Variants in NBAS observed in about 807,000 individuals in gnomAD.
NBAS encodes NAG/BC035112 fusion.
Under a neutral mutation model 302.5 loss-of-function variants are expected in NBAS, and 219 were observed. The observed-to-expected ratio is 0.72, with a 90% CI of 0.65 to 0.81. The LOEUF (loss-of-function observed/expected upper bound fraction) is 0.81. Ranked by LOEUF, NBAS falls within the 30% of genes least tolerant of loss-of-function variation. NBAS has a pLI of 0.00. For missense variants in NBAS, 2,932 were observed against 2,841.6 expected (o/e 1.03, Z -0.72); for synonymous variants, 1,118 against 1,021.6 (o/e 1.09, Z -1.80).
intron 11 of NBAS, among the ~76,000 whole-genome samples, chr2:15,499,807 A>C (rs1661417329): frequency 6.6e-6 from 1 of 152,236 alleles, no homozygotes; most frequent in Admixed American, 6.5e-5. Context: ...AAAAAGTAAA[A>C]TGAGACTATT....
the NBAS span, among the ~76,000 whole-genome samples, chr2:14,922,968 C>T: frequency 1.3e-5 from 2 of 151,952 alleles, no homozygotes; most frequent in Admixed American, 6.5e-5. Flanking sequence ...CTGGCTAACA[C>T]GGTGAAACCC....
chr2:15,245,209 G>A (rs1384207295), intron 44 of NBAS, among the ~76,000 whole-genome samples: 2 of 151,952 alleles, frequency 1.3e-5, no homozygotes, highest in Non-Finnish European at 2.9e-5. Context: ...GCCCTATCAG[G>A]CCCCATGCGA....
the NBAS span, among the ~76,000 whole-genome samples, chr2:14,816,243 T>G: frequency 6.6e-6 from 1 of 152,190 alleles, no homozygotes; most frequent in Non-Finnish European, 1.5e-5. Context: ...AGGTGAGCAG[T>G]GTGAGTGAGC....
At chr2:15,033,662 C>A in the NBAS span, among the ~76,000 whole-genome samples, 2 of 152,070 alleles carry the variant, frequency 1.3e-5, no homozygotes, top group Non-Finnish European at 2.9e-5. Context: ...GAGATGAACT[C>A]TCTTATAAGA....
chr2:15,220,202 G>A (rs1666887871), intron 47 of NBAS, among the ~76,000 whole-genome samples: 1 of 144,166 alleles, frequency 6.9e-6, no homozygotes, highest in Non-Finnish European at 1.5e-5. Flanking sequence ...CTCCCTCCCG[G>A]ACGGGGCGGC....
the NBAS span, among the ~76,000 whole-genome samples, chr2:15,119,760 C>A: frequency 1.3e-5 from 2 of 152,158 alleles, no homozygotes; most frequent in African/African-American, 4.8e-5. Flanking sequence ...CCTACAGAGG[C>A]CCTCTGAGAA....
At chr2:15,515,704 G>A (rs141097242) in intron 9 of NBAS, among the ~76,000 whole-genome samples, 1 of 152,258 alleles carries the variant, frequency 6.6e-6, no homozygotes, top group Non-Finnish European at 1.5e-5. Context: ...TCATCACAGT[G>A]TTCAGAACAG....
the NBAS span, among the ~76,000 whole-genome samples, chr2:15,147,365 G>T: frequency 3.3e-5 from 5 of 152,146 alleles, no homozygotes; most frequent in South Asian, 1.0e-3. Context: ...AGGCTGAAGC[G>T]GGTGGATCAC....
At chr2:14,911,489 T>C in the NBAS span, among the ~76,000 whole-genome samples, 1 of 152,178 alleles carries the variant, frequency 6.6e-6, no homozygotes, top group African/African-American at 2.4e-5. Flanking sequence ...CATGAGGCTA[T>C]TACCCAGTGG....
chr2:15,034,290 AAG>A, the NBAS span, among the ~76,000 whole-genome samples: 1 of 96,012 alleles, frequency 1.0e-5, no homozygotes, highest in Non-Finnish European at 2.2e-5. Context: ...GAAAGAAAGA[AAG>A]AAAGAAAGAA....
chr2:15,327,957 T>C (rs2148224335), intron 37 of NBAS, 87 bp from the exon 38 acceptor site: 2 of 1,542,436 alleles, frequency 1.3e-6, no homozygotes. Context: ...GGATGTTATG[T>C]TTTCTGGTGA....
chr2:15,059,164 G>A, the NBAS span, among the ~76,000 whole-genome samples: 36 of 152,276 alleles, frequency 2.4e-4, no homozygotes, highest in Middle Eastern at 3.4e-3. Context: ...GCAGAGGAAC[G>A]TGGATTCTTG....
chr2:15,131,275 T>C, the NBAS span, among the ~76,000 whole-genome samples: 3 of 152,218 alleles, frequency 2.0e-5, no homozygotes, highest in Non-Finnish European at 2.9e-5. Flanking sequence ...AGCTGAAATC[T>C]AACTTCTTCC....
At chr2:15,309,667 A>G (rs1225535661) in intron 38 of NBAS, among the ~76,000 whole-genome samples, 1 of 152,208 alleles carries the variant, frequency 6.6e-6, no homozygotes, top group Non-Finnish European at 1.5e-5. Flanking sequence ...GCAAATTTAG[A>G]GTAAATCTTT....
At chr2:15,498,601 G>A (rs964264508) in intron 11 of NBAS, among the ~76,000 whole-genome samples, 6 of 152,142 alleles carry the variant, frequency 3.9e-5, no homozygotes, top group Non-Finnish European at 5.9e-5. Context: ...GTTTGGATCT[G>A]CGTCCCCACC....
chr2:14,779,201 T>G, the NBAS span, among the ~76,000 whole-genome samples: 3 of 152,196 alleles, frequency 2.0e-5, no homozygotes, highest in Non-Finnish European at 4.4e-5. Flanking sequence ...GAGGCACTGA[T>G]GTCCATGACA....
chr2:14,923,356 G>A, the NBAS span, among the ~76,000 whole-genome samples: 1 of 152,178 alleles, frequency 6.6e-6, no homozygotes, highest in African/African-American at 2.4e-5. Flanking sequence ...GCAGTTGTGG[G>A]TGGTAAATGC....
chr2:15,454,498 C>T (rs977892650), intron 21 of NBAS, among the ~76,000 whole-genome samples: 3 of 152,058 alleles, frequency 2.0e-5, no homozygotes, highest in African/African-American at 7.2e-5. Flanking sequence ...AAATTTATTC[C>T]AATGAATGGA....
At chr2:15,526,148 G>C (rs1662902379) in intron 9 of NBAS, among the ~76,000 whole-genome samples, 1 of 152,170 alleles carries the variant, frequency 6.6e-6, no homozygotes. Context: ...AAAAAAGATG[G>C]CAGCGAGGTG....
Sources: gnomAD v4.1 joint callset for allele counts (sites outside exome capture counted in the v4.1 genomes callset) on GRCh38, gnomAD v4.1.1 for gene constraint, MANE v1.5 for transcripts, NCBI Gene and HGNC (gene_info 2026-07-23, HGNC 2026-07-21) for gene names.